PCDHGB3: variants seen among roughly 807,000 people sequenced by gnomAD.
The protein encoded by PCDHGB3 is protocadherin gamma-B3.
A neutral mutation model predicts 59.2 loss-of-function variants in PCDHGB3; 40 were observed. That is an observed-to-expected ratio of 0.68 (90% CI 0.52 to 0.88). PCDHGB3 has a LOEUF of 0.88. Ranked by LOEUF, PCDHGB3 falls within the 40% of genes least tolerant of loss-of-function variation. PCDHGB3 has a pLI of 0.00. For synonymous variants in PCDHGB3, 581 were observed against 503.6 expected, an observed-to-expected ratio of 1.15 and a Z score of -2.06; for missense variants, 1,309 against 1,187.9, an observed-to-expected ratio of 1.10 and a Z score of -1.50.
chr5:141,441,280 G>A (rs2098237221), intron 1 of PCDHGB3: 1 of 152,090 alleles, frequency 6.6e-6, no homozygotes, highest in East Asian at 1.9e-4. Flanking sequence ...GGGAGAAAAC[G>A]AGGTCACATG....
In PCDHGB3 at chr5:141,498,877, G is replaced by A. The variant is rs886444261; in HGVS notation, c.2474+4012G>A. ...GAACCCAGGAGGCGGAGGTTGCAGTGAGCTGAGATCACACCACTGCACTCC... is the reference window on the plus strand; with the variant it reads ...GAACCCAGGAGGCGGAGGTTGCAGTAAGCTGAGATCACACCACTGCACTCC... On this transcript the variant is annotated intron_variant, in intron 2 of 3. Coordinates refer to ENST00000576222, the MANE Select transcript of PCDHGB3 (RefSeq NM_018924.5). Among the ~76,000 whole-genome samples, 8 of 149,816 alleles carry A rather than the reference G, an allele frequency of 5.3e-5. No individual in the cohort carries two copies. In the East Asian group the frequency reaches 1.4e-3, roughly 26 times the overall value.
chr5:141,481,071 A>G (rs887828386), intron 1 of PCDHGB3, among the ~76,000 whole-genome samples: 19 of 152,172 alleles, frequency 1.2e-4, no homozygotes, highest in African/African-American at 4.6e-4. Context: ...AACAAAAAGA[A>G]AGAAAGAAAA....
intron 1 of PCDHGB3, among the ~76,000 whole-genome samples, chr5:141,452,375 G>A (rs1239059045): frequency 2.0e-5 from 3 of 152,194 alleles, no homozygotes; most frequent in African/African-American, 7.2e-5. Context: ...TTTTAGTAGG[G>A]AATAGTATTT....
chr5:141,500,148 G>T (rs936567158), intron 2 of PCDHGB3, among the ~76,000 whole-genome samples: 6 of 150,990 alleles, frequency 4.0e-5, no homozygotes, highest in African/African-American at 1.5e-4. Flanking sequence ...ACTTTTCTTT[G>T]TGTAATCAAA....
intron 1 of PCDHGB3, chr5:141,404,208 A>G (rs1411239715): frequency 6.2e-7 from 1 of 1,613,782 alleles, no homozygotes; most frequent in Admixed American, 1.7e-5. Flanking sequence ...TCAGAATATA[A>G]TATCACGGTG....
At chr5:141,422,762 C>T in intron 1 of PCDHGB3, 1 of 1,613,392 alleles carries the variant, frequency 6.2e-7, no homozygotes. Flanking sequence ...AACTCCAACA[C>T]TGGTGTTCTC....
At position 141,370,970 on chromosome 5, in the gene PCDHGB3, A is replaced by G. The variant is rs773655204; in HGVS notation, c.576A>G (p.Pro192=). The G allele has an allele frequency of 4.3e-6, 7 of 1,614,032 alleles. 1 individual carries two copies. Among genetic ancestry groups the G allele is most frequent in the East Asian group, 4.5e-5 (2 of 44,890 alleles). The stretch of plus-strand genomic sequence containing the variant: ...AGAACCTGGATGGCAGTAGGTACCC[A>G]GAGCTAGTACTGAAAGCACCCCTGG... The part of the protein sequence containing the change: ...QKENLDGSRY[P]ELVLKAPLDR... The change falls in exon 1 of 4, where the codon CCA becomes CCG. Residue 192 remains proline, a synonymous_variant. Transcript: ENST00000576222.
chr5:141,376,304 G>T, intron 1 of PCDHGB3: 1 of 1,614,218 alleles, frequency 6.2e-7, no homozygotes, highest in Non-Finnish European at 8.5e-7. Context: ...CTCGCACTTT[G>T]TGGGCGTGGA....
At chr5:141,479,242 A>G (rs2099491093) in intron 1 of PCDHGB3, 1 of 152,320 alleles carries the variant, frequency 6.6e-6, no homozygotes, top group African/African-American at 2.4e-5. Context: ...AAACCCAAAG[A>G]TAACCATTTT....
intron 1 of PCDHGB3, chr5:141,375,536 G>A: frequency 6.2e-7 from 1 of 1,613,972 alleles, no homozygotes; most frequent in African/African-American, 1.3e-5. Flanking sequence ...GGACCAGAAC[G>A]CCCAAGTCTC....
At chr5:141,469,743 A>G (rs1166798506) in intron 1 of PCDHGB3, among the ~76,000 whole-genome samples, 1 of 152,252 alleles carries the variant, frequency 6.6e-6, no homozygotes, top group Non-Finnish European at 1.5e-5. Context: ...CACCTCAAAA[A>G]TTACAAAAAT....
At chr5:141,393,399 C>A in intron 1 of PCDHGB3, 2 of 1,614,028 alleles carry the variant, frequency 1.2e-6, no homozygotes, top group Non-Finnish European at 1.7e-6. Context: ...AGAGCTGGTG[C>A]TGGAGCGCGC....
chr5:141,486,559 G>A lies in PCDHGB3; in HGVS notation c.2416-8248G>A. ...CTTTCTTTCAGAGGTCACATGAGGTGTTTGTTCCTGAGAACAATCGCCCAG... is the reference window on the plus strand; with the variant it reads ...CTTTCTTTCAGAGGTCACATGAGGTATTTGTTCCTGAGAACAATCGCCCAG... On this transcript the variant is annotated intron_variant, in intron 1 of 3. Transcript: ENST00000576222. This position sits in a 1 kb window ranked among gnomAD's most constrained non-coding sequence, Gnocchi z 5.0. 6.2e-7 allele frequency: 1 copy of A among 1,614,032 alleles called. No individual in the cohort carries two copies. Among genetic ancestry groups the A allele is most frequent in the Non-Finnish European group, 8.5e-7 (1 of 1,180,022 alleles).
chr5:141,371,301 A>T lies in PCDHGB3; in HGVS notation c.907A>T (p.Thr303Ser), dbSNP rs199851082. The T allele has an allele frequency of 6.2e-7, 1 of 1,613,990 alleles. No individual in the cohort carries two copies. ...GGACAGTAAAACGGGGGAACTCACC[A>T]CTATTGGAGAACTGGACTTTGAAGA... The part of the protein sequence containing the change: ...KLDSKTGELT[T>S]IGELDFEERD... Residue 303 changes from threonine to serine, a missense_variant, in exon 1 of 4, where the codon ACT becomes TCT. Thr to Ser is a moderately conservative substitution (Grantham distance 58, BLOSUM62 1). Coordinates refer to ENST00000576222, the MANE Select transcript of PCDHGB3 (RefSeq NM_018924.5).
chr5:141,438,621 TATATATATATATATACACACAC>T (rs2098027070), intron 1 of PCDHGB3, among the ~76,000 whole-genome samples: 1 of 41,368 alleles, frequency 2.4e-5, no homozygotes, highest in Non-Finnish European at 4.0e-5. Flanking sequence ...TATATATATA[TATATATATATATATACACACAC>T]ACACACACAT....
At chr5:141,478,068 A>T (rs560968418) in intron 1 of PCDHGB3, 1 of 1,614,134 alleles carries the variant, frequency 6.2e-7, no homozygotes, top group East Asian at 2.2e-5. Flanking sequence ...ATCAAAGACA[A>T]TGGGGAGCCT....
In PCDHGB3 at chr5:141,487,086, TCCCACCACAGAAG is replaced by T. The variant is rs2099639456; in HGVS notation, c.2416-7719_2416-7707del. 6.2e-7 allele frequency: 1 copy of T among 1,613,822 alleles called. No homozygotes were observed. ...ACGGCTGTTCCTATCCCAGCTGACC[TCCCACCACAGAAG>T]CTGGTCATTGTGGTAAAGGATAGTG... On this transcript the variant is annotated intron_variant, in intron 1 of 3. Coordinates refer to ENST00000576222, the MANE Select transcript of PCDHGB3 (RefSeq NM_018924.5). The surrounding 1 kb of genome is among the most constrained non-coding windows in gnomAD (Gnocchi z 5.0).
intron 1 of PCDHGB3, chr5:141,399,668 G>A (rs756009874): frequency 1.7e-5 from 28 of 1,613,644 alleles, no homozygotes; most frequent in Non-Finnish European, 8.5e-7. Flanking sequence ...TTCGCGCAGC[G>A]CGCCTTTGAC....
intron 1 of PCDHGB3, chr5:141,421,143 A>T (rs2096549098): frequency 3.1e-6 from 3 of 964,414 alleles, no homozygotes; most frequent in Non-Finnish European, 4.5e-6. Flanking sequence ...TTTTGGATGT[A>T]GTCGGCCTAG....
Sources: gnomAD v4.1 joint callset for allele counts (sites outside exome capture counted in the v4.1 genomes callset) on GRCh38, gnomAD v4.1.1 for gene constraint, Gnocchi (gnomAD v3.1) non-coding constraint, MANE v1.5 for transcripts, NCBI Gene and HGNC (gene_info 2026-07-23, HGNC 2026-07-21) for gene names.